TMEM200B: variants seen among roughly 807,000 people sequenced by gnomAD.
The protein encoded by TMEM200B is transmembrane protein 200B, also known as transmembrane protein TTMA.
A neutral mutation model predicts 17.6 loss-of-function variants in TMEM200B; 12 were observed. The observed-to-expected ratio is 0.68, with a 90% CI of 0.44 to 1.11. The LOEUF (loss-of-function observed/expected upper bound fraction) is 1.11. Ranked by LOEUF, TMEM200B falls within the 50% of genes least tolerant of loss-of-function variation. The pLI, the probability that TMEM200B is intolerant of heterozygous loss-of-function variation, is 0.00. For missense variants in TMEM200B, 456 were observed against 447.6 expected (o/e 1.02, Z -0.17); for synonymous variants, 234 against 209.2 (o/e 1.12, Z -1.02).
rs774888623 is a variant in TMEM200B at position 29,121,141 on chromosome 1, C to T, written c.688G>A (p.Gly230Arg). ...LLNSYPLKGP[G>R]LPPPWGPRTQ... is the part of the protein sequence containing the mutation. ...CGTGGACCCCAGGGTGGGGGCAGCC[C>T]GGGGCCCTTCAGCGGGTAGCTGTTG... The change falls in exon 2 of 2, where the codon GGG becomes AGG. Residue 230 changes from glycine to arginine, a missense_variant. Gly to Arg is a moderately radical substitution (Grantham distance 125, BLOSUM62 -2). Coordinates refer to ENST00000521452, the MANE Select transcript of TMEM200B (RefSeq NM_001003682.4). The surrounding 1 kb of genome is among the most constrained non-coding windows in gnomAD (Gnocchi z 5.6). 1 of 1,613,752 alleles carries T rather than the reference C, an allele frequency of 6.2e-7. No individual in the cohort carries two copies. The highest frequency in any genetic ancestry group is 1.1e-5 in the South Asian group (1 of 91,088).
rs1201621649 is a variant in TMEM200B at position 29,120,443 on chromosome 1, C to CG, written c.*461dup. On this transcript the variant is annotated 3_prime_UTR_variant, in exon 2 of 2. Transcript: ENST00000521452. ...CAGATGGCAGTGGAGAGTCTCATCC[C>CG]GTGGTCCATCTTCCCAGAGGCCCCA... 1 of 170,602 alleles carries CG rather than the reference C, an allele frequency of 5.9e-6. No homozygotes were observed. The highest frequency in any genetic ancestry group is 1.3e-5 in the Non-Finnish European group (1 of 78,608). The allele number at this position is 170,602 out of a possible 1,614,324, so 10.6% of individuals were successfully genotyped here. A position where few individuals can be genotyped will look rare whatever the true frequency, so the allele number is the denominator to read the frequency against.
Position 29,121,296 on chromosome 1 carries a change from G to A in TMEM200B, c.533C>T (p.Pro178Leu), listed in dbSNP as rs1309763643. ...ALLPSPGPRS[P>L]RAVGCAEPEI... is the part of the protein sequence containing the mutation. ...TGGCTCTGCGCAGCCTACGGCTCGG[G>A]GACTCCTAGGGCCGGGGCTGGGAAG... Residue 178 changes from proline (P) to leucine (L), a missense_variant, in exon 2 of 2, where the codon CCC (proline) becomes CTC (leucine). Physicochemically the swap from Pro to Leu is moderately conservative, Grantham distance 98. Coordinates refer to ENST00000521452, the MANE Select transcript of TMEM200B (RefSeq NM_001003682.4). The surrounding 1 kb of genome is among the most constrained non-coding windows in gnomAD (Gnocchi z 5.6). The A allele has an allele frequency of 6.2e-7, 1 of 1,604,170 alleles. No individual in the cohort carries two copies. Among genetic ancestry groups the A allele is most frequent in the Non-Finnish European group, 8.5e-7 (1 of 1,176,590 alleles).
At chr1:29,123,417 T>A (rs1035442317) in intron 1 of TMEM200B, among the ~76,000 whole-genome samples, 1 of 151,872 alleles carries the variant, frequency 6.6e-6, no homozygotes, top group African/African-American at 2.4e-5. Context: ...TGTCCCTGAG[T>A]TTGCAGCCCT....
At chr1:29,123,580 G>C (rs1192517185) in intron 1 of TMEM200B, among the ~76,000 whole-genome samples, 2 of 152,132 alleles carry the variant, frequency 1.3e-5, no homozygotes, top group African/African-American at 4.8e-5. Context: ...CACGCTCAGA[G>C]ACCCCGAGCC....
At position 29,121,020 on chromosome 1, in the gene TMEM200B, A is replaced by G; in HGVS notation, c.809T>C (p.Leu270Pro). ...SLDLGLGELLLGAPAARDCAH... is the reference protein window; with the variant it reads ...SLDLGLGELLPGAPAARDCAH... ...ACAGTCCCGAGCTGCTGGGGCCCCA[A>G]GGAGGAGCTCCCCAAGGCCCAGATC... The change falls in exon 2 of 2, where the codon CTT becomes CCT. Residue 270 changes from leucine to proline, a missense_variant. Physicochemically the swap from Leu to Pro is moderately conservative, Grantham distance 98. Coordinates refer to ENST00000521452, the MANE Select transcript of TMEM200B (RefSeq NM_001003682.4). The surrounding 1 kb of genome is among the most constrained non-coding windows in gnomAD (Gnocchi z 5.6). 6.2e-7 allele frequency: 1 copy of G among 1,613,708 alleles called. No individual in the cohort carries two copies.
Position 29,121,486 on chromosome 1 carries a change from G to T in TMEM200B, c.343C>A (p.Arg115=). The T allele has an allele frequency of 6.6e-7, 1 of 1,526,408 alleles. No individual in the cohort carries two copies. Among genetic ancestry groups the T allele is most frequent in the Non-Finnish European group, 8.8e-7 (1 of 1,141,338 alleles). The allele number at this position is 1,526,408 out of a possible 1,614,324, so 94.6% of individuals were successfully genotyped here. ...CCCATGATCACCGGCCCGAGGAGCC[G>T]CAGCCGCTCGTGCGGGCCGTGAGCC... ...GRAHGPHERL[R]LLGPVIMGVG... is the part of the protein sequence containing the mutation. Residue 115 remains arginine (R), a synonymous_variant, in exon 2 of 2, where the codon CGG becomes AGG. Coordinates refer to ENST00000521452, the MANE Select transcript of TMEM200B (RefSeq NM_001003682.4). The surrounding 1 kb of genome is among the most constrained non-coding windows in gnomAD (Gnocchi z 5.6).
At chr1:29,122,869 C>G (rs894741946) in intron 1 of TMEM200B, among the ~76,000 whole-genome samples, 4 of 152,254 alleles carry the variant, frequency 2.6e-5, no homozygotes, top group Admixed American at 2.0e-4. Context: ...CTCCCGATTG[C>G]TGGCCGCGCC....
chr1:29,123,518 G>A (rs1224677518), intron 1 of TMEM200B, among the ~76,000 whole-genome samples: 3 of 152,014 alleles, frequency 2.0e-5, no homozygotes, highest in Admixed American at 6.5e-5. Flanking sequence ...CCGGAGCCCC[G>A]CGCGTCGCTG....
chr1:29,122,788 T>TCCGTGGC (rs1018639768), intron 1 of TMEM200B, among the ~76,000 whole-genome samples: 1 of 152,190 alleles, frequency 6.6e-6, no homozygotes, highest in Non-Finnish European at 1.5e-5. Flanking sequence ...GCCCGAGGCC[T>TCCGTGGC]CCGTGGCCCG....
At position 29,121,027 on chromosome 1, in the gene TMEM200B, G is replaced by A; in HGVS notation, c.802C>T (p.Leu268Phe). ...SKSLDLGLGE[L>F]LLGAPAARDC... ...CGAGCTGCTGGGGCCCCAAGGAGGA[G>A]CTCCCCAAGGCCCAGATCCAGAGAC... The change falls in exon 2 of 2, where the codon CTC (leucine) becomes TTC (phenylalanine). Residue 268 changes from leucine to phenylalanine, a missense_variant. By Grantham distance (22) the Leu-to-Phe change is conservative. Transcript: ENST00000521452. The surrounding 1 kb of genome is among the most constrained non-coding windows in gnomAD (Gnocchi z 5.6). The A allele has an allele frequency of 6.2e-7, 1 of 1,613,740 alleles. No homozygotes were observed. Among genetic ancestry groups the A allele is most frequent in the Non-Finnish European group, 8.5e-7 (1 of 1,180,030 alleles).
In TMEM200B at chr1:29,121,454, GCC is replaced by G; in HGVS notation, c.373_374del (p.Gly125ProfsTer13). The G allele has an allele frequency of 6.5e-7, 1 of 1,533,720 alleles. No homozygotes were observed. The highest frequency in any genetic ancestry group is 8.7e-7 in the Non-Finnish European group (1 of 1,145,414). On this transcript the variant is annotated frameshift_variant, in exon 2 of 2. Transcript: ENST00000521452. LOFTEE classifies it high-confidence loss of function. The surrounding 1 kb of genome is among the most constrained non-coding windows in gnomAD (Gnocchi z 5.6). ...RLLGPVIMGV[G>X]LFVFICANTL... ...TGTTGGCGCAGATGAACACGAACAG[GCC>G]GACGCCCATGATCACCGGCCCGAGG...
In TMEM200B at chr1:29,121,320, A is replaced by G. The variant is rs548062854; in HGVS notation, c.509T>C (p.Leu170Pro). 3.8e-6 allele frequency: 6 copies of G among 1,591,670 alleles called. No individual in the cohort carries two copies. The highest frequency in any genetic ancestry group is 3.6e-5 in the Admixed American group (2 of 56,146). ...PDGPGWDCAL[L>P]PSPGPRSPRA... is the part of the protein sequence containing the mutation. ...GGGACTCCTAGGGCCGGGGCTGGGAAGGAGGGCGCAGTCCCAGCCCGGGCC... is the reference window on the plus strand; with the variant it reads ...GGGACTCCTAGGGCCGGGGCTGGGAGGGAGGGCGCAGTCCCAGCCCGGGCC... The change falls in exon 2 of 2, where the codon CTT (leucine) becomes CCT (proline). Residue 170 changes from leucine (L) to proline (P), a missense_variant. By Grantham distance (98) the Leu-to-Pro change is moderately conservative. Transcript: ENST00000521452. The surrounding 1 kb of genome is among the most constrained non-coding windows in gnomAD (Gnocchi z 5.6).
rs369677263 is a variant in TMEM200B, at chr1:29,120,414, G to A, written c.*491C>T. 7.9e-5 allele frequency: 13 copies of A among 163,812 alleles called. No individual in the cohort carries two copies. The highest frequency in any genetic ancestry group is 1.9e-4 in the African/African-American group (8 of 41,846). The allele number at this position is 163,812 out of a possible 1,614,324, so 10.1% of individuals were successfully genotyped here. On this transcript the variant is annotated 3_prime_UTR_variant, in exon 2 of 2. Transcript: ENST00000521452. ...GGTAGGAGTTCAAGGCTCAGTCCCC[G>A]TCCCAGATGGCAGTGGAGAGTCTCA...
At position 29,121,596 on chromosome 1, in the gene TMEM200B, C is replaced by A. The variant is rs1185472599; in HGVS notation, c.233G>T (p.Arg78Leu). 5.4e-6 allele frequency: 8 copies of A among 1,490,292 alleles called. No individual in the cohort carries two copies. The African/African-American group carries it at 8.8e-5, about 16-fold the overall frequency. 92.3% of individuals were successfully genotyped at this position (1,490,292 alleles called of 1,614,324 possible). A position where few individuals can be genotyped will look rare whatever the true frequency, so the allele number is the denominator to read the frequency against. Residue 78 changes from arginine to leucine, a missense_variant, in exon 2 of 2, where the codon CGG (arginine) becomes CTG (leucine). By Grantham distance (102) the Arg-to-Leu change is moderately radical. Transcript: ENST00000521452. The surrounding 1 kb of genome is among the most constrained non-coding windows in gnomAD (Gnocchi z 5.6). ...GIAVAGYWPH[R>L]AGAPGSRAAN... ...GGCCCGGGACCCTGGGGCCCCGGCCCGGTGCGGCCAGTAGCCGGCCACTGC... is the reference window on the plus strand; with the variant it reads ...GGCCCGGGACCCTGGGGCCCCGGCCAGGTGCGGCCAGTAGCCGGCCACTGC...
rs1225347931 is a variant in TMEM200B, at chr1:29,121,474, G to A, written c.355C>T (p.Pro119Ser). The change falls in exon 2 of 2, where the codon CCG becomes TCG. Residue 119 changes from proline to serine, a missense_variant. Transcript: ENST00000521452. The surrounding 1 kb of genome is among the most constrained non-coding windows in gnomAD (Gnocchi z 5.6). ...AACAGGCCGACGCCCATGATCACCG[G>A]CCCGAGGAGCCGCAGCCGCTCGTGC... ...GPHERLRLLG[P>S]VIMGVGLFVF... is the part of the protein sequence containing the mutation. 4.6e-6 allele frequency: 7 copies of A among 1,528,926 alleles called. No individual in the cohort carries two copies. In the African/African-American group the frequency reaches 5.5e-5, roughly 12 times the overall value. 94.7% of individuals were successfully genotyped at this position (1,528,926 alleles called of 1,614,324 possible).
chr1:29,123,456 C>A (rs1358022799), intron 1 of TMEM200B, among the ~76,000 whole-genome samples: 1 of 152,182 alleles, frequency 6.6e-6, no homozygotes, highest in Non-Finnish European at 1.5e-5. Flanking sequence ...GAGGAGCGAT[C>A]ATCGCTTCAA....
chr1:29,120,828 A>T lies in TMEM200B; in HGVS notation c.*77T>A. On this transcript the variant is annotated 3_prime_UTR_variant, in exon 2 of 2. Coordinates refer to ENST00000521452, the MANE Select transcript of TMEM200B (RefSeq NM_001003682.4). ...GGGATGTGACTGAAACATCTATTAGACGTTGGGACTCCTGGTCCTTTGGTC... is the reference window on the plus strand; with the variant it reads ...GGGATGTGACTGAAACATCTATTAGTCGTTGGGACTCCTGGTCCTTTGGTC... The T allele has an allele frequency of 7.0e-7, 1 of 1,438,000 alleles. No individual in the cohort carries two copies. The allele number at this position is 1,438,000 out of a possible 1,614,324, so 89.1% of individuals were successfully genotyped here. A position where few individuals can be genotyped will look rare whatever the true frequency, so the allele number is the denominator to read the frequency against.
Position 29,121,309 on chromosome 1 carries a change from C to G in TMEM200B, c.520G>C (p.Gly174Arg), listed in dbSNP as rs1671763580. ...CCTACGGCTCGGGGACTCCTAGGGCCGGGGCTGGGAAGGAGGGCGCAGTCC... is the reference window on the plus strand; with the variant it reads ...CCTACGGCTCGGGGACTCCTAGGGCGGGGGCTGGGAAGGAGGGCGCAGTCC... ...GWDCALLPSP[G>R]PRSPRAVGCA... Residue 174 changes from glycine to arginine, a missense_variant, in exon 2 of 2, where the codon GGC becomes CGC. Gly to Arg is a moderately radical substitution (Grantham distance 125, BLOSUM62 -2). Coordinates refer to ENST00000521452, the MANE Select transcript of TMEM200B (RefSeq NM_001003682.4). The surrounding 1 kb of genome is among the most constrained non-coding windows in gnomAD (Gnocchi z 5.6). 6.3e-7 allele frequency: 1 copy of G among 1,599,232 alleles called. No individual in the cohort carries two copies. The highest frequency in any genetic ancestry group is 1.3e-5 in the African/African-American group (1 of 74,860).
rs1671786713 is a variant in TMEM200B at position 29,121,597 on chromosome 1, G to A, written c.232C>T (p.Arg78Trp). 2.0e-6 allele frequency: 3 copies of A among 1,490,338 alleles called. No homozygotes were observed. The highest frequency in any genetic ancestry group is 2.7e-6 in the Non-Finnish European group (3 of 1,129,108). The allele number at this position is 1,490,338 out of a possible 1,614,324, so 92.3% of individuals were successfully genotyped here. The change falls in exon 2 of 2, where the codon CGG becomes TGG. Residue 78 changes from arginine (R) to tryptophan (W), a missense_variant. Arg to Trp is a moderately radical substitution (Grantham distance 101). Transcript: ENST00000521452. The surrounding 1 kb of genome is among the most constrained non-coding windows in gnomAD (Gnocchi z 5.6). ...GCCCGGGACCCTGGGGCCCCGGCCC[G>A]GTGCGGCCAGTAGCCGGCCACTGCA... Reference protein sequence around the residue: ...GIAVAGYWPHRAGAPGSRAAN... With the variant: ...GIAVAGYWPHWAGAPGSRAAN...
Sources: gnomAD v4.1 joint callset for allele counts (sites outside exome capture counted in the v4.1 genomes callset) on GRCh38, gnomAD v4.1.1 for gene constraint, Gnocchi (gnomAD v3.1) non-coding constraint, MANE v1.5 for transcripts, NCBI Gene and HGNC (gene_info 2026-07-23, HGNC 2026-07-21) for gene names.